Variants in ZNF521 observed in about 807,000 individuals in gnomAD.
ZNF521 encodes zinc finger protein 521.
ZNF521 carries 14 observed loss-of-function variants against 105.5 expected under a neutral mutation model. The ratio of observed to expected loss-of-function variants is 0.13; its 90% CI spans 0.09 to 0.21. The LOEUF (loss-of-function observed/expected upper bound fraction) is 0.21. ZNF521 is among the 10% of genes least tolerant of loss of function. The pLI, the probability that ZNF521 is intolerant of heterozygous loss-of-function variation, is 1.00. For synonymous variants in ZNF521, 635 were observed against 606.0 expected (o/e 1.05, Z -0.70); for missense variants, 1,233 against 1,629.7 (o/e 0.76, Z 4.19).
At chr18:25,094,239 T>C (rs1370299498) in intron 5 of ZNF521, among the ~76,000 whole-genome samples, 1 of 152,158 alleles carries the variant, frequency 6.6e-6, no homozygotes, top group African/African-American at 2.4e-5. Context: ...TAATGTAATA[T>C]TATCTTTCTT....
At chr18:25,112,625 T>C (rs2034214895) in intron 5 of ZNF521, among the ~76,000 whole-genome samples, 1 of 152,136 alleles carries the variant, frequency 6.6e-6, no homozygotes, top group African/African-American at 2.4e-5. Flanking sequence ...ACTCCAAGCA[T>C]TTTGTCTGTA....
chr18:25,124,398 G>C (rs1212344315), intron 5 of ZNF521, among the ~76,000 whole-genome samples: 3 of 152,140 alleles, frequency 2.0e-5, no homozygotes, highest in East Asian at 3.9e-4. Flanking sequence ...CAGAAACTAA[G>C]TAACACATGA....
At chr18:25,275,479 T>A (rs942588567) in intron 3 of ZNF521, among the ~76,000 whole-genome samples, 1 of 152,208 alleles carries the variant, frequency 6.6e-6, no homozygotes, top group Non-Finnish European at 1.5e-5. Flanking sequence ...CACCCACTCA[T>A]GCGGTAATAA....
At chr18:25,279,865 T>G (rs1910257469) in intron 3 of ZNF521, among the ~76,000 whole-genome samples, 1 of 152,236 alleles carries the variant, frequency 6.6e-6, no homozygotes, top group African/African-American at 2.4e-5. Flanking sequence ...AATGTTGAAT[T>G]ACAAGGCTAT....
At chr18:25,330,682 T>C (rs1401273043) in intron 2 of ZNF521, among the ~76,000 whole-genome samples, 1 of 152,246 alleles carries the variant, frequency 6.6e-6, no homozygotes, top group Non-Finnish European at 1.5e-5. Flanking sequence ...CATTAACCAT[T>C]AGTTTAAGTA....
rs566063109 is a variant in ZNF521 at position 25,069,960 on chromosome 18, T to A, written c.3907-7219A>T. Reference sequence around the variant, plus strand: ...TTTATTTTTTCATATGGTAATGTCATCACCATGAACTTACAGAAACACTGA... The same window carrying A: ...TTTATTTTTTCATATGGTAATGTCAACACCATGAACTTACAGAAACACTGA... On this transcript the variant is annotated intron_variant, in intron 7 of 7. Transcript: ENST00000361524. Among the ~76,000 whole-genome samples, 13 of 152,334 alleles carry A rather than the reference T, an allele frequency of 8.5e-5. No homozygotes were observed. In the South Asian group the frequency reaches 2.7e-3, roughly 32 times the overall value.
In ZNF521 at chr18:25,062,551, T is replaced by A; in HGVS notation, c.*161A>T. 1.0e-6 allele frequency: 1 copy of A among 991,336 alleles called. No homozygotes were observed. The highest frequency in any genetic ancestry group is 1.5e-5 in the South Asian group (1 of 67,952). The allele number at this position is 991,336 out of a possible 1,614,324, so 61.4% of individuals were successfully genotyped here. A position where few individuals can be genotyped will look rare whatever the true frequency, so the allele number is the denominator to read the frequency against. On this transcript the variant is annotated 3_prime_UTR_variant, in exon 8 of 8. Coordinates refer to ENST00000361524, the MANE Select transcript of ZNF521 (RefSeq NM_015461.3). The stretch of plus-strand genomic sequence containing the variant: ...AAGGGGTCTATCCGGTGCGCAAAAG[T>A]TCAAACACATGAACATCCAACAGTT...
chr18:25,268,584 G>A (rs150834519), intron 3 of ZNF521, among the ~76,000 whole-genome samples: 63 of 152,308 alleles, frequency 4.1e-4, no homozygotes, highest in African/African-American at 1.4e-3. Context: ...CGGATCTCTT[G>A]GTAGAAACCC....
intron 3 of ZNF521, among the ~76,000 whole-genome samples, chr18:25,293,517 C>T (rs1911156837): frequency 6.6e-6 from 1 of 152,176 alleles, no homozygotes; most frequent in Non-Finnish European, 1.5e-5. Flanking sequence ...AAGGTGATCT[C>T]ACTATTGCAG....
intron 5 of ZNF521, among the ~76,000 whole-genome samples, chr18:25,095,543 G>C (rs1368301811): frequency 6.6e-6 from 1 of 151,974 alleles, no homozygotes; most frequent in African/African-American, 2.4e-5. Flanking sequence ...TCTCCTTTTT[G>C]CTTATCTATA....
chr18:25,261,143 C>G (rs1908880659), intron 3 of ZNF521, among the ~76,000 whole-genome samples: 1 of 152,096 alleles, frequency 6.6e-6, no homozygotes, highest in South Asian at 2.1e-4. Context: ...CAGAGTCCTC[C>G]TCAGTTTGGC....
intron 3 of ZNF521, among the ~76,000 whole-genome samples, chr18:25,306,787 A>C (rs4800628): frequency 0.37 from 56,432 of 151,316 alleles, 10,698 homozygotes; most frequent in Admixed American, 0.43. Flanking sequence ...ACAATGTTAC[A>C]AAAATTGGAG....
At chr18:25,154,382 T>C (rs1252468381) in intron 5 of ZNF521, among the ~76,000 whole-genome samples, 1 of 152,176 alleles carries the variant, frequency 6.6e-6, no homozygotes, top group East Asian at 1.9e-4. Context: ...AAAAAGATTT[T>C]TCTCAGAGAC....
chr18:25,296,933 T>A (rs1911348859), intron 3 of ZNF521, among the ~76,000 whole-genome samples: 1 of 152,174 alleles, frequency 6.6e-6, no homozygotes. Flanking sequence ...ACATAGCTGG[T>A]ACTCAATAAA....
At chr18:25,143,041 T>G (rs1381279247) in intron 5 of ZNF521, among the ~76,000 whole-genome samples, 1 of 152,140 alleles carries the variant, frequency 6.6e-6, no homozygotes. Flanking sequence ...GGCATTGACC[T>G]TCCCTTGACA....
At chr18:25,316,433 G>GT (rs1912622975) in intron 3 of ZNF521, among the ~76,000 whole-genome samples, 1 of 112,886 alleles carries the variant, frequency 8.9e-6, no homozygotes, top group East Asian at 3.2e-4. Context: ...TCAGCCAGGG[G>GT]TGGGGGGTGG....
intron 7 of ZNF521, among the ~76,000 whole-genome samples, chr18:25,081,389 G>A (rs2033492504): frequency 6.6e-6 from 1 of 152,170 alleles, no homozygotes; most frequent in Non-Finnish European, 1.5e-5. Flanking sequence ...GAAATTAATG[G>A]ATGGAGAATT....
chr18:25,173,432 T>C (rs2035482220), intron 5 of ZNF521, among the ~76,000 whole-genome samples: 1 of 152,192 alleles, frequency 6.6e-6, no homozygotes, highest in Non-Finnish European at 1.5e-5. Flanking sequence ...AATTCCTTTG[T>C]AGCCAACCAT....
intron 7 of ZNF521, among the ~76,000 whole-genome samples, chr18:25,074,034 G>A (rs536214579): frequency 1.4e-4 from 21 of 148,322 alleles, no homozygotes; most frequent in Non-Finnish European, 2.6e-4. Flanking sequence ...GTGTGTGCGT[G>A]CATGTGTGTG....
Sources: allele counts gnomAD v4.1 joint callset (sites outside exome capture counted in the v4.1 genomes callset), GRCh38; gene constraint gnomAD v4.1.1; transcripts MANE v1.5; gene names NCBI Gene and HGNC (gene_info 2026-07-23, HGNC 2026-07-21).